The following LEUTX variants were observed in gnomAD, a reference collection of about 807,000 sequenced individuals.
The protein encoded by LEUTX is leucine twenty homeobox, also known as paired-like homeodomain transcription factor LEUTX.
A neutral mutation model predicts 4.5 loss-of-function variants in LEUTX; 5 were observed. The ratio of observed to expected loss-of-function variants is 1.11; its 90% CI spans 0.58 to 2.34. LEUTX has a LOEUF of 2.34. LEUTX is among the 30% of genes most tolerant of loss of function. The pLI is 0.01. For synonymous variants in LEUTX, 89 were observed against 85.1 expected, an observed-to-expected ratio of 1.05 and a Z score of -0.25; for missense variants, 233 against 239.4, an observed-to-expected ratio of 0.97 and a Z score of 0.18.
intron 1 of LEUTX, among the ~76,000 whole-genome samples, chr19:39,782,335 C>T (rs1967898970): frequency 6.6e-6 from 1 of 152,114 alleles, no homozygotes; most frequent in Non-Finnish European, 1.5e-5. Context: ...ATACGGTGCT[C>T]ATGGTAATGA....
chr19:39,778,399 G>A (rs1967831147), upstream of LEUTX, among the ~76,000 whole-genome samples: 1 of 151,906 alleles, frequency 6.6e-6, no homozygotes, highest in Non-Finnish European at 1.5e-5. Flanking sequence ...GTTGAACCGA[G>A]ATGGGCGGGT....
chr19:39,781,044 TTCC>T (rs1260188044), intron 1 of LEUTX, among the ~76,000 whole-genome samples: 2 of 134,314 alleles, frequency 1.5e-5, no homozygotes, highest in East Asian at 1.9e-4. Flanking sequence ...ATTTGCTGCT[TTCC>T]TCCTCTTCTT....
chr19:39,786,200 T>C lies in LEUTX; in HGVS notation c.*65T>C. The C allele has an allele frequency of 7.9e-7, 1 of 1,266,414 alleles. No homozygotes were observed. The highest frequency in any genetic ancestry group is 1.1e-6 in the Non-Finnish European group (1 of 932,172). The allele number at this position is 1,266,414 out of a possible 1,614,324, so 78.4% of individuals were successfully genotyped here. A position where few individuals can be genotyped will look rare whatever the true frequency, so the allele number is the denominator to read the frequency against. ...CCACTGAGACATATTTCCACACATC[T>C]TTAATGGTTTGACCCCAGTCTAAGT... On this transcript the variant is annotated 3_prime_UTR_variant, in exon 3 of 3. Transcript: ENST00000638280.
chr19:39,784,626 C>G lies in LEUTX; in HGVS notation c.107C>G (p.Ala36Gly). The G allele has an allele frequency of 1.9e-6, 3 of 1,551,436 alleles. No homozygotes were observed. The highest frequency in any genetic ancestry group is 2.6e-6 in the Non-Finnish European group (3 of 1,146,770). The change falls in exon 2 of 3, where the codon GCT (alanine) becomes GGT (glycine). Residue 36 changes from alanine (A) to glycine (G), a missense_variant. Ala to Gly is a moderately conservative substitution (Grantham distance 60, BLOSUM62 0). Coordinates refer to ENST00000638280, the MANE Select transcript of LEUTX (RefSeq NM_001382345.1). ...LLEKTMHPSLATMGKLASKLQ... is the reference protein window; with the variant it reads ...LLEKTMHPSLGTMGKLASKLQ... The stretch of plus-strand genomic sequence containing the variant: ...GAAAAGACCATGCACCCAAGTTTGG[C>G]TACAATGGGGAAACTGGCTTCAAAG...
At chr19:39,783,539 G>T (rs1275556138) in intron 1 of LEUTX, among the ~76,000 whole-genome samples, 1 of 151,728 alleles carries the variant, frequency 6.6e-6, no homozygotes, top group Non-Finnish European at 1.5e-5. Flanking sequence ...TTGCTGGATC[G>T]AATGGTAGTT....
chr19:39,784,905 A>C (rs889785549), intron 2 of LEUTX, among the ~76,000 whole-genome samples: 1 of 152,196 alleles, frequency 6.6e-6, no homozygotes, highest in African/African-American at 2.4e-5. Flanking sequence ...TTGGAATTTG[A>C]ACCCAGACCT....
At chr19:39,780,516 A>G (rs1471262753) in intron 1 of LEUTX, among the ~76,000 whole-genome samples, 1 of 152,136 alleles carries the variant, frequency 6.6e-6, no homozygotes, top group Non-Finnish European at 1.5e-5. Context: ...AATTTTTTTT[A>G]ATAAATACTT....
rs1343445420 is a variant in LEUTX, at chr19:39,778,876, CT to C, written c.-44del. 4 of 152,104 alleles carry C rather than the reference CT, an allele frequency of 2.6e-5. No individual in the cohort carries two copies. The highest frequency in any genetic ancestry group is 9.7e-5 in the African/African-American group (4 of 41,396). The allele number at this position is 152,104 out of a possible 1,614,324, so 9.4% of individuals were successfully genotyped here. ...GTCACATAGACTCAGCTCAGGAGCTCTGCAGCACACAGCTGATCGAACCCAC... is the reference window on the plus strand; with the variant it reads ...GTCACATAGACTCAGCTCAGGAGCTCGCAGCACACAGCTGATCGAACCCAC... On this transcript the variant is annotated 5_prime_UTR_variant, in exon 1 of 3. Coordinates refer to ENST00000638280, the MANE Select transcript of LEUTX (RefSeq NM_001382345.1).
chr19:39,778,054 A>G (rs1055964584), upstream of LEUTX, among the ~76,000 whole-genome samples: 2 of 151,694 alleles, frequency 1.3e-5, no homozygotes, highest in Non-Finnish European at 2.9e-5. Flanking sequence ...TATCTCATGG[A>G]TAGAGACTAG....
intron 1 of LEUTX, 119 bp from the exon 2 acceptor site, chr19:39,784,408 C>G: frequency 1.7e-6 from 1 of 593,970 alleles, no homozygotes; most frequent in Non-Finnish European, 3.0e-6. Flanking sequence ...GAGGGACGGT[C>G]TAGGGCTCAA....
intron 2 of LEUTX, among the ~76,000 whole-genome samples, chr19:39,785,006 G>T (rs1324574482): frequency 6.6e-6 from 1 of 152,076 alleles, no homozygotes; most frequent in Non-Finnish European, 1.5e-5. Context: ...TATTCAGGAT[G>T]GGTTCTGCTT....
chr19:39,785,806 G>A lies in LEUTX; in HGVS notation c.268G>A (p.Glu90Lys). The change falls in exon 3 of 3, where the codon GAG becomes AAG. Residue 90 changes from glutamate to lysine, a missense_variant. Glu to Lys is a moderately conservative substitution (Grantham distance 56, BLOSUM62 1). Transcript: ENST00000638280. ...CCAGACAACTTCAGTGAAGAAGGAGGAGACTCCCTCAGCCATAACTACTGC... is the reference window on the plus strand; with the variant it reads ...CCAGACAACTTCAGTGAAGAAGGAGAAGACTCCCTCAGCCATAACTACTGC... ...ANQTTSVKKE[E>K]TPSAITTANI... is the part of the protein sequence containing the mutation. 6.4e-7 allele frequency: 1 copy of A among 1,551,766 alleles called. No individual in the cohort carries two copies. Among genetic ancestry groups the A allele is most frequent in the Middle Eastern group, 1.7e-4 (1 of 5,992 alleles).
chr19:39,782,398 G>C (rs12986190), intron 1 of LEUTX, among the ~76,000 whole-genome samples: 37,526 of 151,840 alleles, frequency 0.25, 4,755 homozygotes, highest in Non-Finnish European at 0.27. Flanking sequence ...TTTTGCTTAG[G>C]TCTCATTCCC....
chr19:39,783,246 T>TTA (rs991560798), intron 1 of LEUTX, among the ~76,000 whole-genome samples: 34 of 146,654 alleles, frequency 2.3e-4, no homozygotes, highest in East Asian at 1.9e-3. Context: ...ATCATATAAT[T>TTA]TATATATATA....
chr19:39,776,557 T>A (rs190908495), upstream of LEUTX: 101 of 454,820 alleles, frequency 2.2e-4, no homozygotes, highest in African/African-American at 1.7e-3. Flanking sequence ...AAGGGGAGGG[T>A]GTGCTCCAAA....
intron 1 of LEUTX, among the ~76,000 whole-genome samples, chr19:39,781,496 G>C (rs1967887282): frequency 6.6e-6 from 1 of 152,166 alleles, no homozygotes; most frequent in South Asian, 2.1e-4. Flanking sequence ...AGGTGGGCCT[G>C]GTGGAAGGGG....
intron 1 of LEUTX, among the ~76,000 whole-genome samples, chr19:39,783,362 T>TAC (rs1268095057): frequency 5.7e-5 from 6 of 104,642 alleles, no homozygotes; most frequent in African/African-American, 2.0e-4. Context: ...CATATATATA[T>TAC]ATACACACAC....
upstream of LEUTX, chr19:39,776,577 CAAA>C: frequency 2.2e-6 from 1 of 455,984 alleles, no homozygotes; most frequent in Non-Finnish European, 4.4e-6. Context: ...ACAAATGCAA[CAAA>C]AAGAGAAACT....
intron 1 of LEUTX, among the ~76,000 whole-genome samples, chr19:39,783,352 CAT>C (rs200989568): frequency 2.6e-3 from 281 of 107,772 alleles, no homozygotes; most frequent in Middle Eastern, 0.023. Flanking sequence ...TATATATATA[CAT>C]ATATATATAT....
Sources: allele counts gnomAD v4.1 joint callset (sites outside exome capture counted in the v4.1 genomes callset), GRCh38; gene constraint gnomAD v4.1.1; transcripts MANE v1.5; gene names NCBI Gene and HGNC (gene_info 2026-07-23, HGNC 2026-07-21).